The following SORCS3 variants were observed in gnomAD, a reference collection of about 807,000 sequenced individuals.
SORCS3 encodes VPS10 domain-containing receptor SorCS3.
SORCS3 carries 57 observed loss-of-function variants against 146.3 expected under a neutral mutation model. That is an observed-to-expected ratio of 0.39 (90% CI 0.31 to 0.49). The LOEUF (loss-of-function observed/expected upper bound fraction) is 0.49, where lower values mean the gene tolerates loss of function less well. Among genes scored for constraint, SORCS3 ranks in the 20% least tolerant of loss-of-function variants. The pLI, the probability that SORCS3 is intolerant of heterozygous loss-of-function variation, is 0.92. For synonymous variants in SORCS3, 653 were observed against 618.5 expected (o/e 1.06, Z -0.83); for missense variants, 1,341 against 1,575.5 (o/e 0.85, Z 2.52).
At position 104,977,562 on chromosome 10, in the gene SORCS3, T is replaced by C. The variant is rs1424483093; in HGVS notation, c.954+69T>C. 4.3e-6 allele frequency: 6 copies of C among 1,403,716 alleles called. No homozygotes were observed. The African/African-American group carries it at 4.3e-5, about 10-fold the overall frequency. 87.0% of individuals were successfully genotyped at this position (1,403,716 alleles called of 1,614,324 possible). The stretch of plus-strand genomic sequence containing the variant: ...CACCATGTGAAAATCACTTGCTTGC[T>C]TAATCCACATTTTGGAGGGAATTCA... On this transcript the variant is annotated intron_variant, in intron 4 of 26. Transcript: ENST00000369701.
At chr10:104,995,164 CTT>C (rs34446072) in intron 4 of SORCS3, among the ~76,000 whole-genome samples, 7 of 137,272 alleles carry the variant, frequency 5.1e-5, no homozygotes, top group Admixed American at 7.4e-5. Context: ...CTTTCTTTCT[CTT>C]TTTTTTTTTT....
intron 1 of SORCS3, among the ~76,000 whole-genome samples, chr10:104,841,892 T>C (rs2018145596): frequency 6.6e-6 from 1 of 152,216 alleles, no homozygotes; most frequent in Non-Finnish European, 1.5e-5. Context: ...CAATGTGTAT[T>C]ATGCACCTGC....
intron 15 of SORCS3, among the ~76,000 whole-genome samples, chr10:105,200,466 G>A (rs1283703254): frequency 6.6e-6 from 1 of 152,122 alleles, no homozygotes; most frequent in African/African-American, 2.4e-5. Context: ...AATGTGGAGG[G>A]CGAGAGCATT....
chr10:105,188,046 A>T (rs2056490492), intron 14 of SORCS3, among the ~76,000 whole-genome samples: 1 of 151,998 alleles, frequency 6.6e-6, no homozygotes, highest in Admixed American at 6.6e-5. Context: ...AGAGAAAAAA[A>T]ATTGGGGGAG....
chr10:104,906,040 C>T (rs17775106), intron 2 of SORCS3, among the ~76,000 whole-genome samples: 55,402 of 152,006 alleles, frequency 0.36, 13,266 homozygotes, highest in African/African-American at 0.68. Context: ...CTTCATTGGG[C>T]GGCTGCACAT....
intron 8 of SORCS3, among the ~76,000 whole-genome samples, chr10:105,142,604 C>T (rs929428213): frequency 6.6e-6 from 1 of 152,154 alleles, no homozygotes; most frequent in Admixed American, 6.5e-5. Context: ...CCCCCCTTAA[C>T]AGCCCTTCTG....
At chr10:104,935,287 T>A (rs575388521) in intron 3 of SORCS3, among the ~76,000 whole-genome samples, 1 of 152,220 alleles carries the variant, frequency 6.6e-6, no homozygotes, top group African/African-American at 2.4e-5. Flanking sequence ...CCCACTGAAC[T>A]CTATTGAGTT....
At chr10:104,979,115 C>T (rs531741788) in intron 4 of SORCS3, among the ~76,000 whole-genome samples, 1 of 152,248 alleles carries the variant, frequency 6.6e-6, no homozygotes, top group East Asian at 1.9e-4. Context: ...TTTTTCGTAG[C>T]ACTATGTATC....
At chr10:105,049,862 C>T (rs1320339713) in intron 5 of SORCS3, among the ~76,000 whole-genome samples, 3 of 152,056 alleles carry the variant, frequency 2.0e-5, no homozygotes, top group African/African-American at 7.2e-5. Context: ...GGGTACTATG[C>T]TTACTACCTG....
At chr10:105,201,860 G>T (rs2056576636) in intron 16 of SORCS3, among the ~76,000 whole-genome samples, 1 of 152,102 alleles carries the variant, frequency 6.6e-6, no homozygotes, top group African/African-American at 2.4e-5. Context: ...TCAAACTTAA[G>T]GCAGCCAAAG....
At chr10:104,886,197 G>A (rs1293858880) in intron 2 of SORCS3, among the ~76,000 whole-genome samples, 1 of 152,122 alleles carries the variant, frequency 6.6e-6, no homozygotes, top group Non-Finnish European at 1.5e-5. Flanking sequence ...ATGCAATGAG[G>A]TGGAGGTGGA....
intron 19 of SORCS3, among the ~76,000 whole-genome samples, chr10:105,221,841 C>T (rs12356433): frequency 9.9e-5 from 15 of 151,930 alleles, no homozygotes; most frequent in African/African-American, 3.6e-4. Context: ...AAAATGTGCT[C>T]TGACATAATA....
intron 2 of SORCS3, among the ~76,000 whole-genome samples, chr10:104,856,438 G>A (rs1362998742): frequency 7.1e-6 from 1 of 140,340 alleles, no homozygotes; most frequent in African/African-American, 2.9e-5. Context: ...ATTATGTTAT[G>A]ATTATATGCT....
At chr10:104,822,355 A>G (rs1484413148) in intron 1 of SORCS3, among the ~76,000 whole-genome samples, 1 of 152,234 alleles carries the variant, frequency 6.6e-6, no homozygotes, top group Non-Finnish European at 1.5e-5. Context: ...TTACTTTTAC[A>G]GAGATATTTT....
intron 2 of SORCS3, among the ~76,000 whole-genome samples, chr10:104,907,077 A>C (rs2018913704): frequency 6.6e-6 from 1 of 151,800 alleles, no homozygotes; most frequent in Admixed American, 6.6e-5. Context: ...GAGACTTTTC[A>C]GGTCAATAAC....
chr10:105,040,661 G>T (rs2055332722), intron 4 of SORCS3, among the ~76,000 whole-genome samples: 2 of 152,098 alleles, frequency 1.3e-5, no homozygotes, highest in Non-Finnish European at 2.9e-5. Context: ...TGGGTTTTGT[G>T]TACTATGTAA....
intron 3 of SORCS3, among the ~76,000 whole-genome samples, chr10:104,972,028 GA>G (rs2054863427): frequency 6.6e-6 from 1 of 152,184 alleles, no homozygotes; most frequent in South Asian, 2.1e-4. Flanking sequence ...GCAGAAGTCA[GA>G]TTGCACTGGC....
At chr10:104,713,191 T>G (rs2016438916) in intron 1 of SORCS3, among the ~76,000 whole-genome samples, 1 of 151,866 alleles carries the variant, frequency 6.6e-6, no homozygotes, top group African/African-American at 2.4e-5. Flanking sequence ...AACTTCAAAG[T>G]GACAAGAAAG....
chr10:105,178,139 C>T lies in SORCS3; in HGVS notation c.1975C>T (p.Leu659=). 1 of 1,613,534 alleles carries T rather than the reference C, an allele frequency of 6.2e-7. No homozygotes were observed. Among genetic ancestry groups the T allele is most frequent in the Non-Finnish European group, 8.5e-7 (1 of 1,179,746 alleles). The change falls in exon 14 of 27, where the codon CTG becomes TTG. Residue 659 remains leucine (L), a synonymous_variant. Coordinates refer to ENST00000369701, the MANE Select transcript of SORCS3 (RefSeq NM_014978.3). ...TSVPLFVDGA[L]VEAGMETHIM... Reference sequence around the variant, plus strand: ...GGTTCCTCTCTTTGTTGACGGGGCTCTGGTGGAGGCAGGAATGGAGACCCA... The same window carrying T: ...GGTTCCTCTCTTTGTTGACGGGGCTTTGGTGGAGGCAGGAATGGAGACCCA...
Sources: gnomAD v4.1 joint callset for allele counts (sites outside exome capture counted in the v4.1 genomes callset) on GRCh38, gnomAD v4.1.1 for gene constraint, MANE v1.5 for transcripts, NCBI Gene and HGNC (gene_info 2026-07-23, HGNC 2026-07-21) for gene names.